GLRA1: variants seen among roughly 807,000 people sequenced by gnomAD.
GLRA1 encodes glycine receptor alpha 1.
A neutral mutation model predicts 48.3 loss-of-function variants in GLRA1; 37 were observed. That is an observed-to-expected ratio of 0.77 (90% CI 0.59 to 1.01). The LOEUF (loss-of-function observed/expected upper bound fraction) is 1.01, where lower values mean the gene tolerates loss of function less well. Ranked by LOEUF, GLRA1 falls within the 50% of genes least tolerant of loss-of-function variation. GLRA1 has a pLI of 0.00. For synonymous variants in GLRA1, 196 were observed against 210.7 expected (o/e 0.93, Z 0.60); for missense variants, 427 against 571.0 (o/e 0.75, Z 2.57).
At chr5:151,832,755 C>G (rs955291521) in intron 7 of GLRA1, among the ~76,000 whole-genome samples, 5 of 152,182 alleles carry the variant, frequency 3.3e-5, no homozygotes, top group Non-Finnish European at 7.3e-5. Flanking sequence ...ACTTCCCCAA[C>G]CTAGCAAGAC....
At chr5:151,859,719 T>G in intron 4 of GLRA1, 66 bp downstream of exon 4, 1 of 1,192,732 alleles carries the variant, frequency 8.4e-7, no homozygotes, top group Non-Finnish European at 1.3e-6. Context: ...TTAGAGTCTA[T>G]GCCCAGAAGG....
intron 1 of GLRA1, among the ~76,000 whole-genome samples, chr5:151,915,205 G>A (rs1459292524): frequency 6.6e-6 from 1 of 152,148 alleles, no homozygotes; most frequent in Non-Finnish European, 1.5e-5. Flanking sequence ...CTAGCATTCA[G>A]TAAACACTCA....
rs183044701 is a variant in GLRA1 at position 151,914,785 on chromosome 5, C to T, written c.56+9709G>A. 3.5e-4 allele frequency among the ~76,000 whole-genome samples: 54 copies of T among 152,284 alleles called. No homozygotes were observed. In the South Asian group the frequency reaches 3.9e-3, roughly 11 times the overall value. Reference sequence around the variant, plus strand: ...GGGAGCTAGTGCAATTTCTCTTGTACGTCAAGGATAGAGATTGAGAGCTCG... The same window carrying T: ...GGGAGCTAGTGCAATTTCTCTTGTATGTCAAGGATAGAGATTGAGAGCTCG... On this transcript the variant is annotated intron_variant, in intron 1 of 8. Coordinates refer to ENST00000274576, the MANE Select transcript of GLRA1 (RefSeq NM_000171.4).
intron 2 of GLRA1, among the ~76,000 whole-genome samples, chr5:151,887,518 A>C (rs1043430527): frequency 6.6e-6 from 1 of 152,174 alleles, no homozygotes; most frequent in Non-Finnish European, 1.5e-5. Flanking sequence ...CATCATTTCA[A>C]CAACTCCAGG....
At chr5:151,919,853 G>C (rs1024439171) in intron 1 of GLRA1, among the ~76,000 whole-genome samples, 17 of 152,342 alleles carry the variant, frequency 1.1e-4, no homozygotes, top group African/African-American at 3.4e-4. Flanking sequence ...TGGCCAGGCA[G>C]GGAGACTGTG....
intron 7 of GLRA1, chr5:151,849,005 C>A (rs1414404096): frequency 3.0e-6 from 2 of 668,862 alleles, no homozygotes; most frequent in Non-Finnish European, 5.7e-6. Context: ...AGAAGGATGG[C>A]GCTGCAAGAC....
At chr5:151,895,625 C>CTG (rs67871185) in intron 1 of GLRA1, among the ~76,000 whole-genome samples, 8,496 of 146,644 alleles carry the variant, frequency 0.058, 403 homozygotes, top group African/African-American at 0.14. Flanking sequence ...GTGTGTGTGT[C>CTG]TGTGTGTGTG....
rs186791260 is a variant in GLRA1, at chr5:151,913,211, A to G, written c.56+11283T>C. Among the ~76,000 whole-genome samples, 10 of 151,638 alleles carry G rather than the reference A, an allele frequency of 6.6e-5. No homozygotes were observed. In the East Asian group the frequency reaches 1.7e-3, roughly 26 times the overall value. ...GAAGTTGTTATTCTCAGTTTTTAAG[A>G]TGAGGAACTTGAGGCTCAGAAAGAT... is the stretch of plus-strand genomic sequence containing the variant. On this transcript the variant is annotated intron_variant, in intron 1 of 8. Transcript: ENST00000274576.
At chr5:151,899,567 G>C (rs755028840) in intron 1 of GLRA1, among the ~76,000 whole-genome samples, 17 of 152,098 alleles carry the variant, frequency 1.1e-4, no homozygotes, top group Non-Finnish European at 1.9e-4. Flanking sequence ...CCCCGGCTCT[G>C]ACCCCAAGGG....
intron 3 of GLRA1, among the ~76,000 whole-genome samples, chr5:151,861,129 A>T (rs534567645): frequency 5.3e-5 from 8 of 152,198 alleles, no homozygotes; most frequent in East Asian, 1.9e-4. Flanking sequence ...TCTATCATTG[A>T]TGGACATTTG....
chr5:151,823,528 G>A (rs1159881905), intron 8 of GLRA1, among the ~76,000 whole-genome samples: 2 of 152,152 alleles, frequency 1.3e-5, no homozygotes, highest in African/African-American at 4.8e-5. Flanking sequence ...GATGGCTATG[G>A]GCCAGGATGG....
chr5:151,826,542 C>T (rs1763275741), intron 8 of GLRA1, among the ~76,000 whole-genome samples: 1 of 152,144 alleles, frequency 6.6e-6, no homozygotes, highest in Non-Finnish European at 1.5e-5. Context: ...CCTCATGATA[C>T]CGGTGACTTG....
At chr5:151,842,659 T>C (rs1763740715) in intron 7 of GLRA1, among the ~76,000 whole-genome samples, 1 of 152,184 alleles carries the variant, frequency 6.6e-6, no homozygotes, top group South Asian at 2.1e-4. Context: ...AGTGAAAAAC[T>C]GAAAGCTTTC....
At chr5:151,864,139 A>ATG (rs5872230) in intron 3 of GLRA1, among the ~76,000 whole-genome samples, 8,663 of 149,964 alleles carry the variant, frequency 0.058, 283 homozygotes, top group African/African-American at 0.084. Flanking sequence ...TGAAGTGTGC[A>ATG]TGTGTGTGTG....
chr5:151,829,029 A>C lies in GLRA1; in HGVS notation c.951T>G (p.Val317=). 1 of 1,614,140 alleles carries C rather than the reference A, an allele frequency of 6.2e-7. No homozygotes were observed. Among genetic ancestry groups the C allele is most frequent in the Non-Finnish European group, 8.5e-7 (1 of 1,179,958 alleles). The change falls in exon 8 of 9, where the codon GTT becomes GTG. Residue 317 remains valine, a synonymous_variant. Coordinates refer to ENST00000274576, the MANE Select transcript of GLRA1 (RefSeq NM_000171.4). ...GGGCTGAGAACACAAAGAGCAGGCA[A>C]ACTGCCATCCAAATGTCAATGGCTT... ...YVKAIDIWMA[V]CLLFVFSALL... is the part of the protein sequence containing the mutation.
intron 7 of GLRA1, among the ~76,000 whole-genome samples, chr5:151,831,047 TG>T (rs1763408501): frequency 6.6e-6 from 1 of 152,178 alleles, no homozygotes; most frequent in Admixed American, 6.5e-5. Context: ...CACAAGGGGT[TG>T]GGGATCTCCC....
intron 6 of GLRA1, among the ~76,000 whole-genome samples, chr5:151,854,056 T>C (rs1161625184): frequency 6.6e-6 from 1 of 152,160 alleles, no homozygotes; most frequent in Non-Finnish European, 1.5e-5. Flanking sequence ...TTAAGAAAGC[T>C]AAAAAGAAAA....
chr5:151,904,053 G>C (rs971414902), intron 1 of GLRA1, among the ~76,000 whole-genome samples: 3 of 152,180 alleles, frequency 2.0e-5, no homozygotes, highest in South Asian at 4.1e-4. Flanking sequence ...CTTCTAGAAG[G>C]AATATTTACT....
At chr5:151,835,041 A>T (rs953179369) in intron 7 of GLRA1, among the ~76,000 whole-genome samples, 3 of 150,916 alleles carry the variant, frequency 2.0e-5, no homozygotes, top group Admixed American at 6.6e-5. Context: ...AAAAAAAAAA[A>T]AAAAAAAAAG....
Sources: allele counts gnomAD v4.1 joint callset (sites outside exome capture counted in the v4.1 genomes callset), GRCh38; gene constraint gnomAD v4.1.1; transcripts MANE v1.5; gene names NCBI Gene and HGNC (gene_info 2026-07-23, HGNC 2026-07-21).